The following LRP1B variants were observed in gnomAD, a reference collection of about 807,000 sequenced individuals.
LRP1B encodes low-density lipoprotein receptor-related protein 1B.
Under a neutral mutation model 556.6 loss-of-function variants are expected in LRP1B, and 217 were observed. The ratio of observed to expected loss-of-function variants is 0.39; its 90% CI spans 0.35 to 0.44. The LOEUF is 0.44. Ranked by LOEUF, LRP1B falls within the 20% of genes least tolerant of loss-of-function variation. The pLI, the probability that LRP1B is intolerant of heterozygous loss-of-function variation, is 1.00. For missense variants in LRP1B, 5,053 were observed against 5,620.8 expected, an observed-to-expected ratio of 0.90 and a Z score of 3.23; for synonymous variants, 2,047 against 1,865.8, an observed-to-expected ratio of 1.10 and a Z score of -2.50.
chr2:140,932,914 C>CACACAT (rs767618295), intron 20 of LRP1B, among the ~76,000 whole-genome samples: 1 of 149,926 alleles, frequency 6.7e-6, no homozygotes, highest in Non-Finnish European at 1.5e-5. Flanking sequence ...CACACACACA[C>CACACAT]ACATATATAT....
At chr2:140,447,628 C>T (rs1686719712) in intron 63 of LRP1B, among the ~76,000 whole-genome samples, 1 of 152,084 alleles carries the variant, frequency 6.6e-6, no homozygotes, top group African/African-American at 2.4e-5. Context: ...ACTGTCTGAT[C>T]ATGTGTTCAC....
At chr2:141,338,448 C>G (rs2105510308) in intron 3 of LRP1B, among the ~76,000 whole-genome samples, 1 of 152,246 alleles carries the variant, frequency 6.6e-6, no homozygotes. Context: ...GAGGTCAGGT[C>G]AGGGGTTGCT....
At chr2:141,136,134 A>G (rs1458982674) in intron 7 of LRP1B, among the ~76,000 whole-genome samples, 1 of 151,894 alleles carries the variant, frequency 6.6e-6, no homozygotes, top group Admixed American at 6.6e-5. Context: ...AAAAGGACAT[A>G]GGCTATATAT....
intron 85 of LRP1B, 30 bp from the exon 86 acceptor site, chr2:140,270,376 T>A (rs2104944235): frequency 1.5e-6 from 2 of 1,353,534 alleles, no homozygotes; most frequent in Non-Finnish European, 1.1e-6. Context: ...AAGAACAATT[T>A]CATTGTTATT....
At chr2:140,332,077 C>T (rs1042349972) in intron 79 of LRP1B, among the ~76,000 whole-genome samples, 3 of 151,948 alleles carry the variant, frequency 2.0e-5, no homozygotes, top group African/African-American at 4.8e-5. Flanking sequence ...AATAAATAAT[C>T]CCTTGAGATT....
At chr2:141,457,429 G>A (rs1002974389) in intron 3 of LRP1B, among the ~76,000 whole-genome samples, 11 of 152,212 alleles carry the variant, frequency 7.2e-5, no homozygotes, top group East Asian at 1.9e-4. Flanking sequence ...ACACTGGGGC[G>A]TGCCAGTGGG....
chr2:141,959,821 A>C (rs1295456746), intron 1 of LRP1B, among the ~76,000 whole-genome samples: 1 of 151,946 alleles, frequency 6.6e-6, no homozygotes, highest in East Asian at 1.9e-4. Context: ...TAATAGACAC[A>C]TGTGGCTGGT....
chr2:141,792,149 A>C (rs1695635160), intron 2 of LRP1B, among the ~76,000 whole-genome samples: 1 of 151,952 alleles, frequency 6.6e-6, no homozygotes, highest in African/African-American at 2.4e-5. Flanking sequence ...TATATTGTAC[A>C]AATTTAATAC....
At chr2:140,310,716 G>A (rs1684261443) in intron 83 of LRP1B, among the ~76,000 whole-genome samples, 2 of 151,636 alleles carry the variant, frequency 1.3e-5, no homozygotes, top group Admixed American at 6.6e-5. Flanking sequence ...TGAAATTAGA[G>A]CCCTAACTCT....
At chr2:141,855,408 T>C (rs1698018696) in intron 1 of LRP1B, among the ~76,000 whole-genome samples, 1 of 152,040 alleles carries the variant, frequency 6.6e-6, no homozygotes, top group Non-Finnish European at 1.5e-5. Context: ...TACTCTGAAG[T>C]GTAATCTTGC....
chr2:141,656,426 T>C (rs746584299), intron 2 of LRP1B, among the ~76,000 whole-genome samples: 1 of 152,152 alleles, frequency 6.6e-6, no homozygotes, highest in Non-Finnish European at 1.5e-5. Flanking sequence ...TAAAATTCTT[T>C]CTGGGCAGTG....
chr2:140,616,420 C>G (rs1027824027), intron 41 of LRP1B, among the ~76,000 whole-genome samples: 2 of 151,200 alleles, frequency 1.3e-5, no homozygotes, highest in African/African-American at 2.4e-5. Flanking sequence ...AGTTGTTTGC[C>G]TGAATTAAAT....
Position 141,797,159 on chromosome 2 carries a change from ATAT to A in LRP1B, c.205+13117_205+13119del, listed in dbSNP as rs1320656385. Reference sequence around the variant, plus strand: ...TTTGAAAATAATCATATATATATATATATATATATATATATATATATATATATA... The same window carrying A: ...TTTGAAAATAATCATATATATATATAATATATATATATATATATATATATA... On this transcript the variant is annotated intron_variant, in intron 2 of 90. Coordinates refer to ENST00000389484, the MANE Select transcript of LRP1B (RefSeq NM_018557.3). Among the ~76,000 whole-genome samples the A allele has an allele frequency of 2.8e-4, 22 of 79,958 alleles. 1 individual carries two copies. Among genetic ancestry groups the A allele is most frequent in the African/African-American group, 8.0e-4 (22 of 27,594 alleles). 52.5% of individuals were successfully genotyped at this position (79,958 alleles called of 152,430 possible). A position where few individuals can be genotyped will look rare whatever the true frequency, so the allele number is the denominator to read the frequency against.
chr2:141,253,083 G>C (rs1573715131), intron 4 of LRP1B, among the ~76,000 whole-genome samples: 1 of 152,204 alleles, frequency 6.6e-6, no homozygotes, highest in East Asian at 1.9e-4. Context: ...CAGGAGTCAG[G>C]TGTAGTAAAT....
At chr2:141,105,905 A>G (rs977901977) in intron 7 of LRP1B, among the ~76,000 whole-genome samples, 52 of 152,088 alleles carry the variant, frequency 3.4e-4, no homozygotes, top group Non-Finnish European at 5.7e-4. Context: ...CAGAGGGACC[A>G]CAATCATCCT....
intron 66 of LRP1B, among the ~76,000 whole-genome samples, chr2:140,435,940 C>A (rs555557414): frequency 5.9e-5 from 9 of 151,924 alleles, no homozygotes; most frequent in East Asian, 1.9e-4. Context: ...TGCCATTATG[C>A]GGGCTCTCTC....
intron 41 of LRP1B, among the ~76,000 whole-genome samples, chr2:140,654,386 T>C (rs1684801823): frequency 6.6e-6 from 1 of 152,150 alleles, no homozygotes; most frequent in African/African-American, 2.4e-5. Flanking sequence ...AATATCTCGG[T>C]ATTTAGGATG....
chr2:140,747,647 A>C (rs1273473136), intron 35 of LRP1B, among the ~76,000 whole-genome samples: 1 of 152,130 alleles, frequency 6.6e-6, no homozygotes, highest in East Asian at 1.9e-4. Flanking sequence ...AATCTGCAGC[A>C]ATCTCCTTTA....
rs912500328 is a variant in LRP1B at position 140,388,180 on chromosome 2, G to T, written c.10415-2171C>A. 2.6e-5 allele frequency among the ~76,000 whole-genome samples: 4 copies of T among 152,056 alleles called. No individual in the cohort carries two copies. In the East Asian group the frequency reaches 7.8e-4, roughly 30 times the overall value. On this transcript the variant is annotated intron_variant, in intron 66 of 90. Transcript: ENST00000389484. ...GTGAACTCCTGACCTCAGGTGATCC[G>T]CCAGTCTCAGCCTCCCAACGTGTTG...
Sources: allele counts gnomAD v4.1 joint callset (sites outside exome capture counted in the v4.1 genomes callset), GRCh38; gene constraint gnomAD v4.1.1; transcripts MANE v1.5; gene names NCBI Gene and HGNC (gene_info 2026-07-23, HGNC 2026-07-21).